BPTF: variants seen among roughly 807,000 people sequenced by gnomAD.
BPTF encodes nucleosome-remodeling factor subunit BPTF.
A neutral mutation model predicts 292.5 loss-of-function variants in BPTF; 18 were observed. The observed-to-expected ratio is 0.06, with a 90% CI of 0.04 to 0.09. The LOEUF (loss-of-function observed/expected upper bound fraction) is 0.09. Among genes scored for constraint, BPTF ranks in the 10% least tolerant of loss-of-function variants. The pLI is 1.00. For synonymous variants in BPTF, 1,225 were observed against 1,251.9 expected (o/e 0.98, Z 0.45); for missense variants, 2,726 against 3,498.7 (o/e 0.78, Z 5.57).
chr17:67,966,527 A>G (rs367898721), intron 25 of BPTF, 45 bp from the exon 26 acceptor site: 80 of 1,554,650 alleles, frequency 5.1e-5, no homozygotes, highest in Non-Finnish European at 6.6e-5. Flanking sequence ...CTTAAATGGA[A>G]TTAGTGTTTT....
In BPTF at chr17:67,966,603, C is replaced by T; in HGVS notation, c.8486C>T (p.Pro2829Leu). 6.2e-7 allele frequency: 1 copy of T among 1,608,020 alleles called. No individual in the cohort carries two copies. The highest frequency in any genetic ancestry group is 2.2e-5 in the East Asian group (1 of 44,664). Residue 2829 changes from proline to leucine, a missense_variant, in exon 26 of 28, where the codon CCA (proline) becomes CTA (leucine). Physicochemically the swap from Pro to Leu is moderately conservative, Grantham distance 98 (BLOSUM62 -3). Transcript: ENST00000306378. ...AAGATGGCCTGGCCTTTCCTTGAACCAGTAGACCCTAATGATGCACCAGAT... is the reference window on the plus strand; with the variant it reads ...AAGATGGCCTGGCCTTTCCTTGAACTAGTAGACCCTAATGATGCACCAGAT... ...AHKMAWPFLE[P>L]VDPNDAPDYY...
intron 23 of BPTF, among the ~76,000 whole-genome samples, chr17:67,952,409 A>G (rs78593993): frequency 0.011 from 1,717 of 151,960 alleles, 27 homozygotes; most frequent in African/African-American, 0.039. Flanking sequence ...GATTACAGAC[A>G]CCTGCTACCA....
In BPTF at chr17:67,911,625, T is replaced by C. The variant is rs752029145; in HGVS notation, c.3741T>C (p.Ser1247=). 41 of 1,614,084 alleles carry C rather than the reference T, an allele frequency of 2.5e-5. No homozygotes were observed. Among genetic ancestry groups the C allele is most frequent in the Non-Finnish European group, 1.7e-6 (2 of 1,180,034 alleles). Reference sequence around the variant, plus strand: ...AGGAGGAAAGTGACACCATTGTTTCTTCTTCCAAGAGTGCTTTACATTCAT... The same window carrying C: ...AGGAGGAAAGTGACACCATTGTTTCCTCTTCCAAGAGTGCTTTACATTCAT... ...LIQEESDTIV[S]SSKSALHSSV... Residue 1247 remains serine, a synonymous_variant, in exon 11 of 28, where the codon TCT becomes TCC. Transcript: ENST00000306378.
At position 67,911,807 on chromosome 17, in the gene BPTF, T is replaced by C; in HGVS notation, c.3923T>C (p.Val1308Ala). The change falls in exon 11 of 28, where the codon GTT (valine) becomes GCT (alanine). Residue 1308 changes from valine to alanine, a missense_variant. This residue lies in a region of BPTF where 713 missense variants were observed against 714.9 expected (regional missense o/e 1.00). Coordinates refer to ENST00000306378, the MANE Select transcript of BPTF (RefSeq NM_182641.4). ...IQDSSEEDMI[V>A]QNSNESISEQ... The stretch of plus-strand genomic sequence containing the variant: ...GATAGCAGTGAAGAAGATATGATTG[T>C]TCAGAATAGCAATGAAAGCATTTCT... The C allele has an allele frequency of 1.2e-6, 2 of 1,614,224 alleles. No homozygotes were observed. Among genetic ancestry groups the C allele is most frequent in the South Asian group, 1.1e-5 (1 of 91,084 alleles).
At chr17:67,919,024 T>C (rs1254294192) in intron 12 of BPTF, among the ~76,000 whole-genome samples, 186 bp downstream of exon 12, 2 of 150,832 alleles carry the variant, frequency 1.3e-5, no homozygotes, top group Admixed American at 1.3e-4. Flanking sequence ...TACAAAAAAT[T>C]ACCTGGGCGT....
At chr17:67,939,317 T>C (rs1030495350) in intron 18 of BPTF, among the ~76,000 whole-genome samples, 1 of 152,192 alleles carries the variant, frequency 6.6e-6, no homozygotes, top group African/African-American at 2.4e-5. Context: ...CAAAGATATA[T>C]ATGTGTATCC....
chr17:67,899,783 C>T (rs2061699759), intron 7 of BPTF, among the ~76,000 whole-genome samples: 1 of 152,050 alleles, frequency 6.6e-6, no homozygotes, highest in Non-Finnish European at 1.5e-5. Context: ...CCCACCTCGG[C>T]TTCCCAAAGT....
At chr17:67,917,080 C>T (rs1295558131) in intron 11 of BPTF, among the ~76,000 whole-genome samples, 1 of 148,236 alleles carries the variant, frequency 6.7e-6, no homozygotes, top group Non-Finnish European at 1.5e-5. Context: ...TAGAAACAAA[C>T]ATGAACACAG....
chr17:67,915,631 C>T (rs2062932824), intron 11 of BPTF, among the ~76,000 whole-genome samples: 1 of 152,164 alleles, frequency 6.6e-6, no homozygotes, highest in East Asian at 1.9e-4. Context: ...ATGTGTACTC[C>T]TGCACACTGT....
In BPTF at chr17:67,849,386, T is replaced by G. The variant is rs145948575; in HGVS notation, c.614-4554T>G. 3.8e-3 allele frequency among the ~76,000 whole-genome samples: 580 copies of G among 152,338 alleles called. 2 individuals carry two copies. The highest frequency in any genetic ancestry group is 5.9e-3 in the Admixed American group (90 of 15,302). On this transcript the variant is annotated intron_variant, in intron 1 of 27. Transcript: ENST00000306378. Reference sequence around the variant, plus strand: ...AGTAGGCCTGGGCTTGGGCCTGAGATTCTGAATTTCTCTCAAACATGATAA... The same window carrying G: ...AGTAGGCCTGGGCTTGGGCCTGAGAGTCTGAATTTCTCTCAAACATGATAA...
At position 67,912,843 on chromosome 17, in the gene BPTF, C is replaced by A. The variant is rs765813820; in HGVS notation, c.4959C>A (p.Ser1653Arg). 2 of 1,614,152 alleles carry A rather than the reference C, an allele frequency of 1.2e-6. No individual in the cohort carries two copies. Among genetic ancestry groups the A allele is most frequent in the Admixed American group, 3.3e-5 (2 of 60,006 alleles). ...ACATCATCTCTGTAAAGGAGCAGAG[C>A]AAAACCGTGGTCACCACGACAGTGA... Reference protein sequence around the residue: ...SVDIISVKEQSKTVVTTTVTD... With the variant: ...SVDIISVKEQRKTVVTTTVTD... The change falls in exon 11 of 28, where the codon AGC (serine) becomes AGA (arginine). Residue 1653 changes from serine (S) to arginine (R), a missense_variant. Physicochemically the swap from Ser to Arg is moderately radical, Grantham distance 110. Coordinates refer to ENST00000306378, the MANE Select transcript of BPTF (RefSeq NM_182641.4).
chr17:67,872,176 C>A (rs1004793499), intron 3 of BPTF, among the ~76,000 whole-genome samples: 2 of 152,010 alleles, frequency 1.3e-5, no homozygotes, highest in African/African-American at 4.8e-5. Flanking sequence ...GTTTTTTGAA[C>A]CTAAAACTTG....
chr17:67,893,445 A>C lies in BPTF; in HGVS notation c.2131A>C (p.Asn711His). ...KKEVIMKGNINNYFKLGQEGK... is the reference protein window; with the variant it reads ...KKEVIMKGNIHNYFKLGQEGK... ...GGAAGTGATCATGAAAGGAAATATC[A>C]ACAATTATTTTAAATTGGGTCAAGA... Residue 711 changes from asparagine to histidine, a missense_variant, in exon 6 of 28, where the codon AAC becomes CAC. By Grantham distance (68) the Asn-to-His change is moderately conservative. Coordinates refer to ENST00000306378, the MANE Select transcript of BPTF (RefSeq NM_182641.4). 1.2e-6 allele frequency: 2 copies of C among 1,614,208 alleles called. No homozygotes were observed. Among genetic ancestry groups the C allele is most frequent in the Non-Finnish European group, 1.7e-6 (2 of 1,180,026 alleles).
chr17:67,830,672 T>C lies in BPTF; in HGVS notation c.613+4335T>C, dbSNP rs181869047. 3.9e-5 allele frequency among the ~76,000 whole-genome samples: 6 copies of C among 152,166 alleles called. No homozygotes were observed. In the East Asian group the frequency reaches 1.2e-3, roughly 29 times the overall value. On this transcript the variant is annotated intron_variant, in intron 1 of 27. Transcript: ENST00000306378. ...GGGAGCGGGAGGGAGCAGCAGGCAC[T>C]GATAGTAAAGTGTGGGCAGTCTCAA...
At chr17:67,863,100 A>G (rs911907079) in intron 2 of BPTF, among the ~76,000 whole-genome samples, 29 of 152,058 alleles carry the variant, frequency 1.9e-4, no homozygotes, top group African/African-American at 7.0e-4. Flanking sequence ...AAAAATATGA[A>G]TTTATTGTCT....
chr17:67,930,489 G>A (rs1268276824), intron 17 of BPTF, among the ~76,000 whole-genome samples: 2 of 150,990 alleles, frequency 1.3e-5, no homozygotes, highest in African/African-American at 2.5e-5. Context: ...CTGAGCCACT[G>A]CACCTGGCCC....
At chr17:67,978,490 G>C (rs1286591228) in intron 27 of BPTF, among the ~76,000 whole-genome samples, 1 of 150,878 alleles carries the variant, frequency 6.6e-6, no homozygotes, top group Non-Finnish European at 1.5e-5. Context: ...GTAGAGACGG[G>C]GTTTCACCAT....
At chr17:67,891,763 G>C (rs908843922) in intron 4 of BPTF, 81 bp from the exon 5 acceptor site, 38 of 1,081,338 alleles carry the variant, frequency 3.5e-5, no homozygotes, top group Non-Finnish European at 4.7e-5. Context: ...ACATACACCA[G>C]ATACGAGTTT....
At chr17:67,861,340 C>CTTT (rs568176532) in intron 2 of BPTF, among the ~76,000 whole-genome samples, 26 of 135,116 alleles carry the variant, frequency 1.9e-4, no homozygotes, top group Admixed American at 3.0e-4. Context: ...AAGATTTTTT[C>CTTT]TTTTTTTTTT....
Sources: allele counts gnomAD v4.1 joint callset (sites outside exome capture counted in the v4.1 genomes callset), GRCh38; gene constraint gnomAD v4.1.1; regional missense constraint gnomAD v4.1.1; transcripts MANE v1.5; gene names NCBI Gene and HGNC (gene_info 2026-07-23, HGNC 2026-07-21).